Variants in TOP3A observed in about 807,000 individuals in gnomAD.
TOP3A encodes the protein DNA topoisomerase III alpha.
In TOP3A, 64 loss-of-function variants were observed where a neutral mutation model predicts 111.3. The observed-to-expected ratio is 0.57, with a 90% CI of 0.47 to 0.71. The LOEUF is 0.71. Ranked by LOEUF, TOP3A falls within the 30% of genes least tolerant of loss-of-function variation. TOP3A has a pLI of 0.00. For synonymous variants in TOP3A, 484 were observed against 485.1 expected (o/e 1.00, Z 0.03); for missense variants, 1,104 against 1,285.0 (o/e 0.86, Z 2.15).
rs567876076 is a variant in TOP3A at position 18,287,975 on chromosome 17, A to G, written c.1598-2455T>C. ...ATTGTGCCACTCCACTCCAGCCTGC[A>G]GCAACAAGAGCAAAACTCCATCTCA... On this transcript the variant is annotated intron_variant, in intron 13 of 18. Coordinates refer to ENST00000321105, the MANE Select transcript of TOP3A (RefSeq NM_004618.5). Among the ~76,000 whole-genome samples the G allele has an allele frequency of 3.3e-5, 5 of 151,764 alleles. No homozygotes were observed. In the East Asian group the frequency reaches 9.7e-4, roughly 30 times the overall value.
rs1193367120 is a variant in TOP3A, at chr17:18,284,172, G to GT, written c.1877+969dup. On this transcript the variant is annotated intron_variant, in intron 15 of 18. Coordinates refer to ENST00000321105, the MANE Select transcript of TOP3A (RefSeq NM_004618.5). Reference sequence around the variant, plus strand: ...GCACCACCATGCCTGGCTAATTTTTGTATTTTTTTTTTTTTTTTTTAGCAG... The same window carrying GT: ...GCACCACCATGCCTGGCTAATTTTTGTTATTTTTTTTTTTTTTTTTTAGCAG... 2.3e-3 allele frequency among the ~76,000 whole-genome samples: 307 copies of GT among 130,896 alleles called. 2 individuals carry two copies. The highest frequency in any genetic ancestry group is 8.3e-3 in the African/African-American group (285 of 34,536). 85.9% of individuals were successfully genotyped at this position (130,896 alleles called of 152,430 possible). A position where few individuals can be genotyped will look rare whatever the true frequency, so the allele number is the denominator to read the frequency against.
In TOP3A at chr17:18,305,494, G is replaced by GCGCGCGCA. The variant is rs1555572079; in HGVS notation, c.391-275_391-274insTGCGCGCG. On this transcript the variant is annotated intron_variant, in intron 4 of 18. Coordinates refer to ENST00000321105, the MANE Select transcript of TOP3A (RefSeq NM_004618.5). ...AGCTCTAACACACACACACGCGCGC[G>GCGCGCGCA]CGCGCGCGCGCACGCACACTTCGAG... is the stretch of plus-strand genomic sequence containing the variant. Among the ~76,000 whole-genome samples the GCGCGCGCA allele has an allele frequency of 4.3e-3, 507 of 117,608 alleles. 1 individual carries two copies. The highest frequency in any genetic ancestry group is 0.016 in the African/African-American group (435 of 27,034). 77.2% of individuals were successfully genotyped at this position (117,608 alleles called of 152,430 possible).
chr17:18,307,082 G>C (rs909305473), intron 3 of TOP3A, 116 bp from the exon 4 acceptor site: 1 of 687,360 alleles, frequency 1.5e-6, no homozygotes, highest in Admixed American at 2.7e-5. Flanking sequence ...AAAAGGTCCC[G>C]GTGAATTGAA....
At chr17:18,300,343 G>A (rs2142980999) in intron 8 of TOP3A, among the ~76,000 whole-genome samples, 1 of 151,776 alleles carries the variant, frequency 6.6e-6, no homozygotes, top group East Asian at 2.0e-4. Context: ...GCAGTGAGCT[G>A]AGATCGTGCC....
chr17:18,300,168 C>A (rs570126587), intron 8 of TOP3A, among the ~76,000 whole-genome samples: 4 of 95,486 alleles, frequency 4.2e-5, no homozygotes, highest in Non-Finnish European at 8.2e-5. Context: ...GAGGCCGAGG[C>A]GGGCGGATTA....
chr17:18,277,262 T>C (rs980793387), intron 18 of TOP3A, among the ~76,000 whole-genome samples: 3 of 151,102 alleles, frequency 2.0e-5, no homozygotes, highest in African/African-American at 4.9e-5. Flanking sequence ...CAAGGGCACA[T>C]GGCCATGGGA....
chr17:18,276,286 T>G (rs1232718407), intron 18 of TOP3A, among the ~76,000 whole-genome samples: 1 of 152,194 alleles, frequency 6.6e-6, no homozygotes, highest in Admixed American at 6.5e-5. Context: ...CAACAGGCCT[T>G]TCCAGACCAG....
Position 18,290,481 on chromosome 17 carries a change from G to T in TOP3A, c.1597+76C>A, listed in dbSNP as rs902978553. 1.1e-5 allele frequency: 16 copies of T among 1,405,844 alleles called. No individual in the cohort carries two copies. The Admixed American group carries it at 4.9e-4, about 43-fold the overall frequency. The allele number at this position is 1,405,844 out of a possible 1,614,324, so 87.1% of individuals were successfully genotyped here. On this transcript the variant is annotated intron_variant, in intron 13 of 18. Transcript: ENST00000321105. ...CAGCTGCATTAGAGAATGGTTTGAA[G>T]ACTAGAGGAAACCTGTACCTGGTAC...
chr17:18,294,498 T>C (rs545536953), intron 10 of TOP3A, among the ~76,000 whole-genome samples: 7 of 152,152 alleles, frequency 4.6e-5, no homozygotes, highest in Middle Eastern at 3.4e-3. Flanking sequence ...TCCAGCTAAT[T>C]TTTGTATTTT....
Position 18,290,668 on chromosome 17 carries a change from G to A in TOP3A, c.1486C>T (p.Gln496Ter). 3 of 1,605,502 alleles carry A rather than the reference G, an allele frequency of 1.9e-6. No homozygotes were observed. The highest frequency in any genetic ancestry group is 2.6e-6 in the Non-Finnish European group (3 of 1,174,668). Residue 496 changes from glutamine (Q) to a stop codon, truncating the protein, a stop_gained, in exon 13 of 19, where the codon CAA becomes TAA. Transcript: ENST00000321105. LOFTEE classifies it high-confidence loss of function. ...GTGCTGGGCTGAAAGTGGGATCCTT[G>A]CTCATAGACAGGGAGGATCTACAGG... ...WSDKILPVYE[Q>*]GSHFQPSTVE...
At chr17:18,297,395 A>G (rs969351910) in intron 9 of TOP3A, among the ~76,000 whole-genome samples, 11 of 151,840 alleles carry the variant, frequency 7.2e-5, no homozygotes, top group African/African-American at 2.4e-4. Flanking sequence ...ATTGCACTCC[A>G]GCCTAGGCAA....
chr17:18,288,245 C>T (rs546112504), intron 13 of TOP3A, among the ~76,000 whole-genome samples: 45 of 149,384 alleles, frequency 3.0e-4, no homozygotes, highest in African/African-American at 1.0e-3. Context: ...CTCCACCTCC[C>T]GGGTTCAAGC....
chr17:18,305,486 A>ACGCGCG (rs34041678), intron 4 of TOP3A, among the ~76,000 whole-genome samples: 83 of 149,510 alleles, frequency 5.6e-4, no homozygotes, highest in African/African-American at 2.0e-3. Context: ...ACACACACAC[A>ACGCGCG]CGCGCGCGCG....
rs1280468544 is a variant in TOP3A, at chr17:18,282,716, T to G, written c.2003A>C (p.Lys668Thr). Residue 668 changes from lysine (K) to threonine (T), a missense_variant, in exon 16 of 19, where the codon AAG (lysine) becomes ACG (threonine). Transcript: ENST00000321105. ...CACTCACCCGCCATTCTTCTTGGTC[T>G]TAAGGACCATGTCCTTGTTGCACTG... is the stretch of plus-strand genomic sequence containing the variant. ...CPQCNKDMVL[K>T]TKKNGGFYLS... is the part of the protein sequence containing the mutation. 3.1e-6 allele frequency: 5 copies of G among 1,613,696 alleles called. No homozygotes were observed. Among genetic ancestry groups the G allele is most frequent in the Non-Finnish European group, 4.2e-6 (5 of 1,179,950 alleles).
rs765699208 is a variant in TOP3A at position 18,308,357 on chromosome 17, C to T, written c.308G>A (p.Arg103Gln). 72 of 1,596,356 alleles carry T rather than the reference C, an allele frequency of 4.5e-5. No homozygotes were observed. The highest frequency in any genetic ancestry group is 1.5e-4 in the Admixed American group (9 of 58,952). ...CCTTGAGAATTGTACTGACCATTTT[C>T]GAAACTGCATCTGGAAATCATGAGC... ...LLAHDFQMQF[R>Q]KWQSCNPLVL... Residue 103 changes from arginine to glutamine, a missense_variant, in exon 3 of 19, where the codon CGA becomes CAA. Transcript: ENST00000321105.
intron 13 of TOP3A, among the ~76,000 whole-genome samples, chr17:18,289,029 T>C (rs1255229409): frequency 1.3e-5 from 2 of 152,176 alleles, no homozygotes; most frequent in Non-Finnish European, 2.9e-5. Flanking sequence ...AATGTTTTTT[T>C]TGAGATGGAG....
At chr17:18,288,954 C>T (rs962967329) in intron 13 of TOP3A, among the ~76,000 whole-genome samples, 3 of 152,200 alleles carry the variant, frequency 2.0e-5, no homozygotes, top group Admixed American at 1.3e-4. Context: ...CTCTGCCTTC[C>T]GGGCTCAAGT....
intron 8 of TOP3A, among the ~76,000 whole-genome samples, chr17:18,299,926 T>C (rs1981120193): frequency 6.6e-6 from 1 of 152,218 alleles, no homozygotes; most frequent in Admixed American, 6.5e-5. Flanking sequence ...GAGTACAGTT[T>C]TCTATGTACA....
At chr17:18,305,321 T>C in intron 4 of TOP3A, 101 bp from the exon 5 acceptor site, 1 of 962,020 alleles carries the variant, frequency 1.0e-6, no homozygotes, top group Non-Finnish European at 1.6e-6. Context: ...AATGCTGCTC[T>C]TGGAGTGTGA....
Sources: allele counts gnomAD v4.1 joint callset (sites outside exome capture counted in the v4.1 genomes callset), GRCh38; gene constraint gnomAD v4.1.1; transcripts MANE v1.5; gene names NCBI Gene and HGNC (gene_info 2026-07-23, HGNC 2026-07-21).